Variants in CACNB2 observed in about 807,000 individuals in gnomAD.
CACNB2 encodes the protein voltage-dependent L-type calcium channel subunit beta-2.
CACNB2 carries 42 observed loss-of-function variants against 73.3 expected under a neutral mutation model. The observed-to-expected ratio is 0.57, with a 90% CI of 0.45 to 0.74. CACNB2 has a LOEUF of 0.74. Among genes scored for constraint, CACNB2 ranks in the 30% least tolerant of loss-of-function variants. The pLI is 0.00. For missense variants in CACNB2, 940 were observed against 853.0 expected, an observed-to-expected ratio of 1.10 and a Z score of -1.27; for synonymous variants, 348 against 310.3, an observed-to-expected ratio of 1.12 and a Z score of -1.28.
At position 18,336,628 on chromosome 10, in the gene CACNB2, G is replaced by GA. The variant is rs59632019; in HGVS notation, c.214-65285dup. Among the ~76,000 whole-genome samples the GA allele has an allele frequency of 4.2e-4, 62 of 148,076 alleles. 2 individuals are homozygous for GA. Among genetic ancestry groups the GA allele is most frequent in the Admixed American group, 3.0e-3 (44 of 14,802 alleles). On this transcript the variant is annotated intron_variant, in intron 2 of 13. Transcript: ENST00000324631. ...AGAGAGAGACTCCATCTCAAAAAAA[G>GA]AAAAAAAAAAAGATGACTTAGGGGA...
At chr10:18,334,383 A>G (rs1433569988) in intron 2 of CACNB2, among the ~76,000 whole-genome samples, 2 of 152,130 alleles carry the variant, frequency 1.3e-5, no homozygotes, top group Non-Finnish European at 2.9e-5. Flanking sequence ...TTTGAGACCC[A>G]CGGGGGTCTG....
At chr10:18,253,798 GC>G (rs2037178363) in intron 2 of CACNB2, among the ~76,000 whole-genome samples, 1 of 151,978 alleles carries the variant, frequency 6.6e-6, no homozygotes, top group Non-Finnish European at 1.5e-5. Context: ...TTCTATCATT[GC>G]CCCCGACTCT....
intron 2 of CACNB2, among the ~76,000 whole-genome samples, chr10:18,248,925 GA>G (rs761325102): frequency 1.6e-4 from 25 of 152,188 alleles, no homozygotes; most frequent in Non-Finnish European, 3.4e-4. Flanking sequence ...CATAGTGGGG[GA>G]AAAAGACCAC....
intron 2 of CACNB2, among the ~76,000 whole-genome samples, chr10:18,354,875 A>G (rs1281968758): frequency 6.6e-6 from 1 of 152,182 alleles, no homozygotes; most frequent in Non-Finnish European, 1.5e-5. Flanking sequence ...CTGAAGCTCA[A>G]TATTACAGGT....
chr10:18,306,661 C>A (rs1448993519), intron 2 of CACNB2, among the ~76,000 whole-genome samples: 2 of 152,130 alleles, frequency 1.3e-5, no homozygotes, highest in Non-Finnish European at 2.9e-5. Flanking sequence ...GAGAAAATGT[C>A]TAACATGCTT....
intron 2 of CACNB2, among the ~76,000 whole-genome samples, chr10:18,162,611 C>T (rs1296089319): frequency 2.0e-5 from 3 of 152,174 alleles, no homozygotes; most frequent in Non-Finnish European, 2.9e-5. Flanking sequence ...GATCTGAACA[C>T]GTGCATTTTG....
intron 2 of CACNB2, among the ~76,000 whole-genome samples, chr10:18,248,916 A>G (rs2036976788): frequency 6.6e-6 from 1 of 152,128 alleles, no homozygotes; most frequent in Non-Finnish European, 1.5e-5. Flanking sequence ...GCAGACACAC[A>G]TAGTGGGGGA....
chr10:18,259,181 A>G (rs144901423), intron 2 of CACNB2, among the ~76,000 whole-genome samples: 31 of 152,340 alleles, frequency 2.0e-4, no homozygotes, highest in Non-Finnish European at 4.3e-4. Context: ...CCAGTTTGTC[A>G]GTTAAATAAG....
intron 3 of CACNB2, among the ~76,000 whole-genome samples, chr10:18,468,123 C>A (rs921288840): frequency 2.0e-5 from 3 of 152,106 alleles, no homozygotes; most frequent in Non-Finnish European, 4.4e-5. Context: ...GCCTGTAGAA[C>A]TGGGGTGCTC....
chr10:18,343,242 A>G (rs1336472382), intron 2 of CACNB2, among the ~76,000 whole-genome samples: 1 of 152,178 alleles, frequency 6.6e-6, no homozygotes. Flanking sequence ...TTAGACCCAG[A>G]TGGTCACTTC....
At chr10:18,358,553 GCTCTCTCTCTCTC>G (rs2042023642) in intron 2 of CACNB2, among the ~76,000 whole-genome samples, 1 of 35,046 alleles carries the variant, frequency 2.9e-5, no homozygotes, top group Non-Finnish European at 6.2e-5. Flanking sequence ...TCTCTCTCTC[GCTCTCTCTCTCTC>G]TCTCTGGAAC....
intron 6 of CACNB2, among the ~76,000 whole-genome samples, chr10:18,508,030 C>T (rs1367837902): frequency 6.6e-6 from 1 of 152,088 alleles, no homozygotes; most frequent in East Asian, 1.9e-4. Context: ...CCTCCTCAGC[C>T]TCCCAAACTG....
At chr10:18,152,469 G>A (rs2031643949) in intron 2 of CACNB2, among the ~76,000 whole-genome samples, 1 of 152,070 alleles carries the variant, frequency 6.6e-6, no homozygotes, top group Non-Finnish European at 1.5e-5. Flanking sequence ...GGCTGTCAGA[G>A]GAGTGGAAGG....
At chr10:18,227,993 G>GA (rs1426071185) in intron 2 of CACNB2, among the ~76,000 whole-genome samples, 1 of 151,886 alleles carries the variant, frequency 6.6e-6, no homozygotes, top group African/African-American at 2.4e-5. Flanking sequence ...CTGAAAGGAG[G>GA]AAAAAAAAAT....
At chr10:18,245,246 G>A (rs568730870) in intron 2 of CACNB2, among the ~76,000 whole-genome samples, 32 of 152,316 alleles carry the variant, frequency 2.1e-4, no homozygotes, top group African/African-American at 5.5e-4. Context: ...TCTTCTATGT[G>A]TCTTTTTTGT....
chr10:18,218,840 T>G (rs1014836513), intron 2 of CACNB2, among the ~76,000 whole-genome samples: 8 of 151,858 alleles, frequency 5.3e-5, no homozygotes, highest in Admixed American at 3.9e-4. Flanking sequence ...CACCCCAGCC[T>G]GGGTGACAGA....
intron 3 of CACNB2, among the ~76,000 whole-genome samples, chr10:18,404,796 C>T (rs1753911937): frequency 1.3e-5 from 2 of 152,214 alleles, no homozygotes; most frequent in South Asian, 2.1e-4. Context: ...AAGTGACCTA[C>T]AAAAGGTTAT....
At chr10:18,157,473 G>T (rs1341505515) in intron 2 of CACNB2, among the ~76,000 whole-genome samples, 2 of 152,140 alleles carry the variant, frequency 1.3e-5, no homozygotes, top group Non-Finnish European at 2.9e-5. Context: ...TTATTTAAGG[G>T]TTTATTACTA....
intron 10 of CACNB2, among the ~76,000 whole-genome samples, chr10:18,531,331 C>CG (rs2053009370): frequency 6.6e-6 from 1 of 152,164 alleles, no homozygotes; most frequent in Admixed American, 6.5e-5. Context: ...TCCTGATTCT[C>CG]TTCTTCCTCC....
Sources: allele counts gnomAD v4.1 joint callset (sites outside exome capture counted in the v4.1 genomes callset), GRCh38; gene constraint gnomAD v4.1.1; transcripts MANE v1.5; gene names NCBI Gene and HGNC (gene_info 2026-07-23, HGNC 2026-07-21).